The following SPIDR variants were observed in gnomAD, a reference collection of about 807,000 sequenced individuals.
SPIDR encodes the protein scaffold protein involved in DNA repair, also known as DNA repair-scaffolding protein.
Under a neutral mutation model 104.6 loss-of-function variants are expected in SPIDR, and 93 were observed. The observed-to-expected ratio is 0.89, with a 90% CI of 0.75 to 1.06. The LOEUF (loss-of-function observed/expected upper bound fraction) is 1.06. SPIDR is among the 50% of genes least tolerant of loss of function. The probability of loss-of-function intolerance (pLI) is 0.00; values close to 1 mark genes in which losing one functional copy is unlikely to be tolerated. For synonymous variants in SPIDR, 431 were observed against 416.9 expected, an observed-to-expected ratio of 1.03 and a Z score of -0.41; for missense variants, 1,154 against 1,111.2, an observed-to-expected ratio of 1.04 and a Z score of -0.55.
chr8:47,322,292 C>T (rs1327434611), intron 5 of SPIDR, among the ~76,000 whole-genome samples: 2 of 152,222 alleles, frequency 1.3e-5, no homozygotes, highest in African/African-American at 4.8e-5. Context: ...TGAGCAGACA[C>T]TTCTCAAAAG....
chr8:47,572,144 T>G (rs1202670080), intron 8 of SPIDR, among the ~76,000 whole-genome samples: 1 of 152,172 alleles, frequency 6.6e-6, no homozygotes, highest in Non-Finnish European at 1.5e-5. Flanking sequence ...TTAGGTAGTA[T>G]TTTGTTTTCC....
chr8:47,649,617 G>A (rs559558391), intron 10 of SPIDR, among the ~76,000 whole-genome samples: 2 of 152,160 alleles, frequency 1.3e-5, no homozygotes, highest in Non-Finnish European at 2.9e-5. Context: ...TCTTATGGCT[G>A]TAGAGCGGCT....
At chr8:47,312,724 A>AATTAGATCCC (rs1554586417) in intron 5 of SPIDR, among the ~76,000 whole-genome samples, 1 of 152,098 alleles carries the variant, frequency 6.6e-6, no homozygotes, top group Admixed American at 6.5e-5. Flanking sequence ...TCTTTAGTTT[A>AATTAGATCCC]ATTAGATCCC....
chr8:47,380,383 C>A (rs2059185463), intron 5 of SPIDR, among the ~76,000 whole-genome samples: 1 of 152,148 alleles, frequency 6.6e-6, no homozygotes, highest in Admixed American at 6.5e-5. Context: ...CATCTGTGAT[C>A]ACTGCAGACA....
At chr8:47,573,676 A>T (rs2058767312) in intron 8 of SPIDR, among the ~76,000 whole-genome samples, 1 of 152,178 alleles carries the variant, frequency 6.6e-6, no homozygotes, top group Non-Finnish European at 1.5e-5. Context: ...AGCTGTAGAG[A>T]TGCAGTTTTC....
chr8:47,732,748 T>C (rs929098582), intron 19 of SPIDR: 6 of 153,166 alleles, frequency 3.9e-5, no homozygotes, highest in African/African-American at 1.4e-4. Flanking sequence ...ATTGGGGCTT[T>C]CCACAAGAAC....
chr8:47,638,408 T>C (rs574490459), intron 10 of SPIDR, among the ~76,000 whole-genome samples: 4 of 152,278 alleles, frequency 2.6e-5, no homozygotes, highest in Admixed American at 2.6e-4. Context: ...CCTCCCAAAG[T>C]GCTGGGATTA....
chr8:47,499,608 T>C (rs2080034461), intron 8 of SPIDR, among the ~76,000 whole-genome samples: 1 of 151,852 alleles, frequency 6.6e-6, no homozygotes, highest in Non-Finnish European at 1.5e-5. Context: ...CATTTAGCCA[T>C]CTGTGGAAAA....
chr8:47,365,303 A>G (rs1324439580), intron 5 of SPIDR, among the ~76,000 whole-genome samples: 6 of 152,130 alleles, frequency 3.9e-5, no homozygotes, highest in East Asian at 1.9e-4. Flanking sequence ...ACCTTTCCCT[A>G]TCGGCAAACA....
At chr8:47,718,267 C>G (rs534638847) in intron 16 of SPIDR, among the ~76,000 whole-genome samples, 1 of 152,342 alleles carries the variant, frequency 6.6e-6, no homozygotes, top group Non-Finnish European at 1.5e-5. Flanking sequence ...TTGTCCTTTG[C>G]TCATCCAATG....
intron 8 of SPIDR, among the ~76,000 whole-genome samples, chr8:47,514,638 A>G (rs1241600475): frequency 2.0e-5 from 3 of 152,186 alleles, no homozygotes; most frequent in Non-Finnish European, 4.4e-5. Flanking sequence ...TACTGATTGA[A>G]AGTAATTTGA....
intron 8 of SPIDR, among the ~76,000 whole-genome samples, chr8:47,576,583 G>A (rs906582851): frequency 6.6e-6 from 1 of 151,968 alleles, no homozygotes; most frequent in Non-Finnish European, 1.5e-5. Flanking sequence ...ACAGGTGTGG[G>A]CCAGGACACC....
intron 5 of SPIDR, among the ~76,000 whole-genome samples, chr8:47,393,945 C>T (rs1554654802): frequency 1.3e-5 from 2 of 151,796 alleles, no homozygotes; most frequent in African/African-American, 4.8e-5. Flanking sequence ...CACTCTGTCA[C>T]CCAGGCTGGA....
chr8:47,469,608 A>G (rs1321529361), intron 8 of SPIDR, among the ~76,000 whole-genome samples: 2 of 152,168 alleles, frequency 1.3e-5, no homozygotes, highest in African/African-American at 4.8e-5. Flanking sequence ...TCCTAAACAA[A>G]CTAATGTGTG....
chr8:47,529,494 A>T (rs2085569510), intron 8 of SPIDR, among the ~76,000 whole-genome samples: 1 of 152,134 alleles, frequency 6.6e-6, no homozygotes, highest in Non-Finnish European at 1.5e-5. Flanking sequence ...TATATCTAGC[A>T]AAAATATCCT....
At chr8:47,377,099 G>A (rs558903108) in intron 5 of SPIDR, among the ~76,000 whole-genome samples, 15 of 152,252 alleles carry the variant, frequency 9.9e-5, no homozygotes, top group Admixed American at 9.2e-4. Context: ...ATGGTGATTT[G>A]CTTTCTAGCC....
chr8:47,360,261 A>AG (rs1419732511), intron 5 of SPIDR, among the ~76,000 whole-genome samples: 4 of 150,308 alleles, frequency 2.7e-5, no homozygotes, highest in Non-Finnish European at 5.9e-5. Flanking sequence ...AAAAAAAAAA[A>AG]AAAAAAAAAA....
At chr8:47,367,382 C>T (rs2057365184) in intron 5 of SPIDR, among the ~76,000 whole-genome samples, 1 of 152,184 alleles carries the variant, frequency 6.6e-6, no homozygotes, top group African/African-American at 2.4e-5. Flanking sequence ...AGCTCCACCA[C>T]CACCTTGATT....
At chr8:47,635,433 T>C (rs539338892) in intron 10 of SPIDR, among the ~76,000 whole-genome samples, 1 of 152,222 alleles carries the variant, frequency 6.6e-6, no homozygotes, top group African/African-American at 2.4e-5. Flanking sequence ...TCTACCCTGA[T>C]GTGATTAAGT....
Sources: gnomAD v4.1 joint callset for allele counts (sites outside exome capture counted in the v4.1 genomes callset) on GRCh38, gnomAD v4.1.1 for gene constraint, MANE v1.5 for transcripts, NCBI Gene and HGNC (gene_info 2026-07-23, HGNC 2026-07-21) for gene names.